BCR: variants seen among roughly 807,000 people sequenced by gnomAD.
BCR encodes the protein BCR activator of RhoGEF and GTPase, also known as breakpoint cluster region protein.
Under a neutral mutation model 138.6 loss-of-function variants are expected in BCR, and 58 were observed. That is an observed-to-expected ratio of 0.42 (90% CI 0.34 to 0.52). The LOEUF (loss-of-function observed/expected upper bound fraction) is 0.52, where lower values mean the gene tolerates loss of function less well. BCR is among the 20% of genes least tolerant of loss of function. The pLI is 0.06. For missense variants in BCR, 1,599 were observed against 1,727.2 expected, an observed-to-expected ratio of 0.93 and a Z score of 1.32; for synonymous variants, 786 against 730.1, an observed-to-expected ratio of 1.08 and a Z score of -1.23.
At chr22:23,230,102 T>C (rs2072939777) in intron 1 of BCR, among the ~76,000 whole-genome samples, 1 of 151,562 alleles carries the variant, frequency 6.6e-6, no homozygotes, top group African/African-American at 2.4e-5. Context: ...CAAGCTACTC[T>C]AGTGCCCATG....
intron 2 of BCR, among the ~76,000 whole-genome samples, chr22:23,257,818 GTC>G (rs2073311269): frequency 6.6e-6 from 1 of 152,214 alleles, no homozygotes; most frequent in Non-Finnish European, 1.5e-5. Flanking sequence ...GGACCCAACT[GTC>G]TCCAAGTGAG....
At chr22:23,291,568 C>T (rs528168946) in intron 14 of BCR, among the ~76,000 whole-genome samples, 2 of 152,152 alleles carry the variant, frequency 1.3e-5, no homozygotes, top group Admixed American at 1.3e-4. Flanking sequence ...GTGAGCAATA[C>T]AGCGTGACAC....
chr22:23,249,497 G>T (rs185612826), intron 1 of BCR, among the ~76,000 whole-genome samples: 3 of 151,956 alleles, frequency 2.0e-5, no homozygotes, highest in Admixed American at 2.0e-4. Flanking sequence ...CTACTTAGAA[G>T]GATCCCTTGA....
chr22:23,301,522 T>G (rs533389027), intron 16 of BCR, among the ~76,000 whole-genome samples: 46 of 152,332 alleles, frequency 3.0e-4, no homozygotes, highest in Non-Finnish European at 5.6e-4. Flanking sequence ...CTTGGATGGA[T>G]GTTGATGCCT....
At chr22:23,290,926 GGCCGGGC>G (rs1282776113) in intron 14 of BCR, 1 of 162,282 alleles carries the variant, frequency 6.2e-6, no homozygotes, top group Non-Finnish European at 1.4e-5. Flanking sequence ...AGTTTCTCGA[GGCCGGGC>G]GCAGTGGCTC....
chr22:23,184,987 C>T (rs1217970661), intron 1 of BCR, among the ~76,000 whole-genome samples: 1 of 152,162 alleles, frequency 6.6e-6, no homozygotes, highest in Non-Finnish European at 1.5e-5. Flanking sequence ...GATCTAATAA[C>T]CTCGGAATCA....
At chr22:23,245,194 G>C (rs1568951922) in intron 1 of BCR, among the ~76,000 whole-genome samples, 1 of 152,192 alleles carries the variant, frequency 6.6e-6, no homozygotes. Context: ...GCTCAGAGTT[G>C]TAAATACCTG....
Position 23,278,689 on chromosome 22 carries a change from T to C in BCR, c.2115+4915T>C, listed in dbSNP as rs191842963. On this transcript the variant is annotated intron_variant, in intron 8 of 22. Transcript: ENST00000305877. Reference sequence around the variant, plus strand: ...TGGCCATGAGCTGAGATCACGCCATTGCACTCTGCACTCCAGCCTGGGCAA... The same window carrying C: ...TGGCCATGAGCTGAGATCACGCCATCGCACTCTGCACTCCAGCCTGGGCAA... Among the ~76,000 whole-genome samples, 5 of 152,148 alleles carry C rather than the reference T, an allele frequency of 3.3e-5. No homozygotes were observed. The East Asian group carries it at 9.7e-4, about 29-fold the overall frequency.
At chr22:23,218,533 G>C (rs1208616866) in intron 1 of BCR, among the ~76,000 whole-genome samples, 2 of 152,244 alleles carry the variant, frequency 1.3e-5, no homozygotes, top group African/African-American at 4.8e-5. Context: ...GTCCCTGCCA[G>C]TCTCTGGTCT....
chr22:23,304,625 G>A (rs1056174626), intron 16 of BCR, among the ~76,000 whole-genome samples: 1 of 152,098 alleles, frequency 6.6e-6, no homozygotes, highest in Non-Finnish European at 1.5e-5. Flanking sequence ...GTGCAACAAG[G>A]TGACTATTTG....
chr22:23,310,822 T>A lies in BCR; in HGVS notation c.3182+389T>A, dbSNP rs1377442976. On this transcript the variant is annotated intron_variant, in intron 18 of 22. Transcript: ENST00000305877. ...GACATAGACCACTTCCTCTGAGAAT[T>A]CATTTGCTTCCCCAGGATGGAATCT... 1.4e-4 allele frequency among the ~76,000 whole-genome samples: 21 copies of A among 152,190 alleles called. No individual in the cohort carries two copies. The South Asian group carries it at 4.4e-3, about 32-fold the overall frequency.
intron 16 of BCR, among the ~76,000 whole-genome samples, chr22:23,301,816 G>T (rs900722522): frequency 6.6e-6 from 1 of 152,218 alleles, no homozygotes; most frequent in Non-Finnish European, 1.5e-5. Flanking sequence ...GGCACAGCGG[G>T]TTCCTGGTGT....
chr22:23,297,025 TTTGGTTGTTGTTGTTGTTCTTTG>T (rs1366826533), intron 16 of BCR, among the ~76,000 whole-genome samples: 1 of 152,024 alleles, frequency 6.6e-6, no homozygotes, highest in Non-Finnish European at 1.5e-5. Context: ...ACGTGCTTGC[TTTGGTTGTTGTTGTTGTTCTTTG>T]TTTTCTTGAG....
In BCR at chr22:23,221,341, C is replaced by G. The variant is rs529576354; in HGVS notation, c.1280-32458C>G. Reference sequence around the variant, plus strand: ...CATGGGGGACCATGTCTCAGCACCTCTGAAAGGTTTTCTGCCCCATCCAGT... The same window carrying G: ...CATGGGGGACCATGTCTCAGCACCTGTGAAAGGTTTTCTGCCCCATCCAGT... On this transcript the variant is annotated intron_variant, in intron 1 of 22. Coordinates refer to ENST00000305877, the MANE Select transcript of BCR (RefSeq NM_004327.4). Among the ~76,000 whole-genome samples, 19 of 152,286 alleles carry G rather than the reference C, an allele frequency of 1.2e-4. No homozygotes were observed. The South Asian group carries it at 3.3e-3, about 27-fold the overall frequency.
chr22:23,270,550 T>C (rs2073498535), intron 5 of BCR, among the ~76,000 whole-genome samples: 1 of 152,186 alleles, frequency 6.6e-6, no homozygotes, highest in South Asian at 2.1e-4. Flanking sequence ...GAGTCAGATA[T>C]ACAGAAGAAC....
intron 3 of BCR, 101 bp downstream of exon 3, chr22:23,261,155 G>T (rs2073351807): frequency 3.8e-6 from 5 of 1,314,814 alleles, no homozygotes; most frequent in Non-Finnish European, 4.3e-6. Flanking sequence ...TCAGAGCCTG[G>T]GTGCAGCTCG....
At chr22:23,266,816 A>G (rs2073448698) in intron 4 of BCR, among the ~76,000 whole-genome samples, 1 of 152,252 alleles carries the variant, frequency 6.6e-6, no homozygotes, top group African/African-American at 2.4e-5. Flanking sequence ...CCGGAGGCAC[A>G]TTTTTGATTA....
intron 8 of BCR, among the ~76,000 whole-genome samples, chr22:23,278,061 A>G (rs2073599545): frequency 6.6e-6 from 1 of 152,204 alleles, no homozygotes; most frequent in Non-Finnish European, 1.5e-5. Context: ...TCATTTGTTT[A>G]GGTGAATTAA....
Position 23,312,836 on chromosome 22 carries a change from G to T in BCR, c.3323-51G>T, listed in dbSNP as rs201880380. 368 of 1,593,840 alleles carry T rather than the reference G, an allele frequency of 2.3e-4. 2 individuals carry two copies. The highest frequency in any genetic ancestry group is 3.0e-4 in the Non-Finnish European group (348 of 1,176,926). On this transcript the variant is annotated intron_variant, in intron 19 of 22. Transcript: ENST00000305877. ...TTTAGCCAAGGCAGGGATGGTGGGA[G>T]ACTCACTCGGGATCCTCAAGGAGGC... is the stretch of plus-strand genomic sequence containing the variant.
Sources: gnomAD v4.1 joint callset for allele counts (sites outside exome capture counted in the v4.1 genomes callset) on GRCh38, gnomAD v4.1.1 for gene constraint, MANE v1.5 for transcripts, NCBI Gene and HGNC (gene_info 2026-07-23, HGNC 2026-07-21) for gene names.